ADGB: variants seen among roughly 807,000 people sequenced by gnomAD.
The protein encoded by ADGB is calpain-7-like protein.
In ADGB, 172 loss-of-function variants were observed where a neutral mutation model predicts 210.5. The observed-to-expected ratio is 0.82, with a 90% CI of 0.72 to 0.93. The LOEUF (loss-of-function observed/expected upper bound fraction) is 0.93, where lower values mean the gene tolerates loss of function less well. ADGB is among the 40% of genes least tolerant of loss of function. ADGB has a pLI of 0.00. For synonymous variants in ADGB, 658 were observed against 662.7 expected (o/e 0.99, Z 0.11); for missense variants, 2,025 against 1,964.8 (o/e 1.03, Z -0.58).
At chr6:146,609,665 G>T (rs1276180724) in intron 1 of ADGB, among the ~76,000 whole-genome samples, 3 of 152,170 alleles carry the variant, frequency 2.0e-5, no homozygotes, top group African/African-American at 7.2e-5. Flanking sequence ...CTTAGCATAT[G>T]CTTGTTTGCA....
chr6:146,717,653 C>A, intron 16 of ADGB, 54 bp downstream of exon 16: 5 of 828,716 alleles, frequency 6.0e-6, no homozygotes, highest in South Asian at 2.2e-5. Context: ...AGAATTGCAC[C>A]CGTAGAAAAC....
intron 2 of ADGB, among the ~76,000 whole-genome samples, chr6:146,638,513 C>T (rs1775457636): frequency 7.2e-6 from 1 of 139,668 alleles, no homozygotes; most frequent in African/African-American, 2.7e-5. Context: ...GACAAAAAAC[C>T]AAACACCACA....
At chr6:146,691,092 T>C (rs1002573218) in intron 10 of ADGB, 24 bp from the exon 11 acceptor site, 6 of 1,504,522 alleles carry the variant, frequency 4.0e-6, no homozygotes, top group Non-Finnish European at 5.3e-6. Flanking sequence ...GAGAATGCTT[T>C]TCAATTTACT....
chr6:146,734,016 A>G lies in ADGB; in HGVS notation c.2780A>G (p.Lys927Arg), dbSNP rs759263107. The change falls in exon 22 of 36, where the codon AAA becomes AGA. Residue 927 changes from lysine to arginine, a missense_variant. By Grantham distance (26) the Lys-to-Arg change is conservative. Transcript: ENST00000397944. ...WRGTYVRLLM[K>R]ARIPDTKENI... ...GGAACTTACGTTAGATTGCTTATGA[A>G]AGCCAGAATACCAGGTATGATTGTC... The G allele has an allele frequency of 4.4e-5, 69 of 1,551,338 alleles. No homozygotes were observed. The South Asian group carries it at 8.1e-4, about 18-fold the overall frequency.
At chr6:146,796,192 T>C (rs974859764) in intron 33 of ADGB, among the ~76,000 whole-genome samples, 9 of 152,088 alleles carry the variant, frequency 5.9e-5, no homozygotes, top group African/African-American at 2.2e-4. Flanking sequence ...GAAGAAATCA[T>C]AGATGACACA....
chr6:146,663,070 G>A (rs1218449583), intron 5 of ADGB, among the ~76,000 whole-genome samples: 1 of 135,528 alleles, frequency 7.4e-6, no homozygotes, highest in South Asian at 2.3e-4. Flanking sequence ...TATTATTAAG[G>A]TCATATATTT....
intron 1 of ADGB, among the ~76,000 whole-genome samples, chr6:146,603,929 C>T (rs1017518937): frequency 6.6e-6 from 1 of 152,120 alleles, no homozygotes; most frequent in Admixed American, 6.5e-5. Context: ...TGTTTCTCTA[C>T]CTGCAGCGTT....
intron 5 of ADGB, among the ~76,000 whole-genome samples, chr6:146,658,326 A>G (rs1775811684): frequency 6.6e-6 from 1 of 152,166 alleles, no homozygotes. Context: ...ACTATTATCT[A>G]GACTAGACTT....
At chr6:146,736,363 C>T in intron 22 of ADGB, 135 bp from the exon 23 acceptor site, 2 of 560,054 alleles carry the variant, frequency 3.6e-6, no homozygotes, top group Non-Finnish European at 6.0e-6. Flanking sequence ...GAGTTTTCTG[C>T]TAATGAAGCC....
intron 10 of ADGB, among the ~76,000 whole-genome samples, chr6:146,689,653 T>C (rs1776275609): frequency 6.6e-6 from 1 of 152,140 alleles, no homozygotes; most frequent in Non-Finnish European, 1.5e-5. Flanking sequence ...ATCTGGAACT[T>C]ATTCAACTTT....
intron 3 of ADGB, among the ~76,000 whole-genome samples, chr6:146,649,451 T>C (rs890274282): frequency 6.6e-6 from 1 of 152,054 alleles, no homozygotes; most frequent in Middle Eastern, 3.4e-3. Flanking sequence ...CAAAAATGTA[T>C]ACTGATGATT....
chr6:146,726,121 G>A lies in ADGB; in HGVS notation c.2276G>A (p.Gly759Glu), dbSNP rs1408074395. 2 of 1,548,756 alleles carry A rather than the reference G, an allele frequency of 1.3e-6. No individual in the cohort carries two copies. Among genetic ancestry groups the A allele is most frequent in the Admixed American group, 2.0e-5 (1 of 50,972 alleles). ...CTCTTCAACGCATACTCCCCAGTAG[G>A]ACACTCCATACACATCTGCAGCATG... ...MLLFNAYSPVGHSIHICSMVS... is the reference protein window; with the variant it reads ...MLLFNAYSPVEHSIHICSMVS... The change falls in exon 19 of 36, where the codon GGA becomes GAA. Residue 759 changes from glycine (G) to glutamate (E), a missense_variant. Transcript: ENST00000397944.
chr6:146,615,856 T>C (rs918434996), intron 1 of ADGB, among the ~76,000 whole-genome samples: 1 of 152,254 alleles, frequency 6.6e-6, no homozygotes, highest in African/African-American at 2.4e-5. Flanking sequence ...CTACTGTGAA[T>C]AGTGCTGTAA....
intron 32 of ADGB, among the ~76,000 whole-genome samples, chr6:146,788,184 A>G (rs115399629): frequency 0.013 from 2,029 of 152,198 alleles, 40 homozygotes; most frequent in African/African-American, 0.047. Context: ...ATTTTAATAT[A>G]TGGAGGCAGC....
At chr6:146,706,807 T>G (rs1223230332) in intron 13 of ADGB, among the ~76,000 whole-genome samples, 1 of 151,476 alleles carries the variant, frequency 6.6e-6, no homozygotes, top group East Asian at 1.9e-4. Context: ...AGCAAAAGGT[T>G]TGTCAGTTTT....
chr6:146,712,189 T>TTG (rs896248509), intron 13 of ADGB, among the ~76,000 whole-genome samples: 4 of 151,902 alleles, frequency 2.6e-5, no homozygotes, highest in African/African-American at 9.7e-5. Flanking sequence ...GTTTTGTTTT[T>TTG]TTTTGTTTTG....
intron 35 of ADGB, among the ~76,000 whole-genome samples, chr6:146,810,416 A>G (rs1234574042): frequency 6.6e-6 from 1 of 152,206 alleles, no homozygotes; most frequent in Non-Finnish European, 1.5e-5. Context: ...AATTAAAACT[A>G]GAGCTACCAT....
intron 13 of ADGB, among the ~76,000 whole-genome samples, chr6:146,706,611 A>G (rs1324724777): frequency 6.6e-6 from 1 of 151,978 alleles, no homozygotes; most frequent in African/African-American, 2.4e-5. Context: ...ATTTTTTATG[A>G]TTCAGTCTTG....
At chr6:146,645,895 T>C (rs1775602851) in intron 3 of ADGB, among the ~76,000 whole-genome samples, 1 of 151,996 alleles carries the variant, frequency 6.6e-6, no homozygotes, top group Non-Finnish European at 1.5e-5. Context: ...TTTAAGTTAC[T>C]TATAGTAACT....
Sources: gnomAD v4.1 joint callset for allele counts (sites outside exome capture counted in the v4.1 genomes callset) on GRCh38, gnomAD v4.1.1 for gene constraint, MANE v1.5 for transcripts, NCBI Gene and HGNC (gene_info 2026-07-23, HGNC 2026-07-21) for gene names.